CDH3: variants seen among roughly 807,000 people sequenced by gnomAD.
CDH3 encodes the protein cadherin 3.
Under a neutral mutation model 82.0 loss-of-function variants are expected in CDH3, and 54 were observed. That is an observed-to-expected ratio of 0.66 (90% confidence interval 0.53 to 0.83). CDH3 has a LOEUF of 0.83. Ranked by LOEUF, CDH3 falls within the 40% of genes least tolerant of loss-of-function variation. The pLI is 0.00. For missense variants in CDH3, 1,054 were observed against 1,084.6 expected, an observed-to-expected ratio of 0.97 and a Z score of 0.40; for synonymous variants, 446 against 437.9, an observed-to-expected ratio of 1.02 and a Z score of -0.23.
intron 2 of CDH3, 113 bp downstream of exon 2, chr16:68,645,863 C>T: frequency 2.5e-6 from 2 of 797,952 alleles, no homozygotes; most frequent in East Asian, 2.7e-5. Context: ...CACCTCAGTT[C>T]CCGGGGAGGC....
intron 10 of CDH3, 34 bp downstream of exon 10, chr16:68,684,858 A>G (rs772837577): frequency 1.5e-5 from 25 of 1,613,414 alleles, no homozygotes; most frequent in Admixed American, 1.0e-4. Flanking sequence ...AGCAGCACGT[A>G]CTGGTACAGT....
chr16:68,659,874 A>G (rs1960513586), intron 2 of CDH3, among the ~76,000 whole-genome samples: 1 of 151,282 alleles, frequency 6.6e-6, no homozygotes, highest in Admixed American at 6.6e-5. Flanking sequence ...ATTGGACTAT[A>G]TCATGCATAC....
intron 1 of CDH3, among the ~76,000 whole-genome samples, chr16:68,713,061 T>C (rs1962049954): frequency 6.6e-6 from 1 of 151,990 alleles, no homozygotes; most frequent in Non-Finnish European, 1.5e-5. Flanking sequence ...CCTCCTGTGA[T>C]CTCCCCGCCC....
At chr16:68,663,655 G>C (rs1960658377) in intron 2 of CDH3, among the ~76,000 whole-genome samples, 1 of 152,014 alleles carries the variant, frequency 6.6e-6, no homozygotes, top group Non-Finnish European at 1.5e-5. Context: ...ATGCACTAAG[G>C]TGGTGGGGGT....
intron 12 of CDH3, among the ~76,000 whole-genome samples, chr16:68,688,360 C>T (rs1195603391): frequency 5.3e-5 from 8 of 151,936 alleles, no homozygotes; most frequent in Non-Finnish European, 7.4e-5. Context: ...GAGCCTGAGG[C>T]GGGCGGGTCA....
Position 68,676,446 on chromosome 16 carries a change from T to C in CDH3, c.222T>C (p.Thr74=). 1 of 1,613,864 alleles carries C rather than the reference T, an allele frequency of 6.2e-7. No homozygotes were observed. Among genetic ancestry groups the C allele is most frequent in the Non-Finnish European group, 8.5e-7 (1 of 1,179,718 alleles). Reference sequence around the variant, plus strand: ...TTAGCACTGATAATGATGACTTCACTGTGCGGAATGGCGAGACAGTCCAGG... The same window carrying C: ...TTAGCACTGATAATGATGACTTCACCGTGCGGAATGGCGAGACAGTCCAGG... ...ALFSTDNDDF[T]VRNGETVQER... is the part of the protein sequence containing the mutation. Residue 74 remains threonine, a synonymous_variant, in exon 3 of 16, where the codon ACT becomes ACC. Transcript: ENST00000264012.
chr16:68,683,092 G>GA (rs1245486052), intron 9 of CDH3, among the ~76,000 whole-genome samples: 1 of 151,708 alleles, frequency 6.6e-6, no homozygotes, highest in Non-Finnish European at 1.5e-5. Context: ...CACTAAAAAA[G>GA]AAAAAAATGA....
chr16:68,705,114 C>G (rs1961944310), downstream of CDH3, among the ~76,000 whole-genome samples: 1 of 152,142 alleles, frequency 6.6e-6, no homozygotes. Flanking sequence ...GATCAGGAAG[C>G]AGCAGAGACA....
chr16:68,724,213 C>T (rs1204899218), intron 2 of CDH3, among the ~76,000 whole-genome samples: 1 of 152,006 alleles, frequency 6.6e-6, no homozygotes, highest in Admixed American at 6.6e-5. Context: ...CCAGCCTGGG[C>T]GACAGAGCAA....
At chr16:68,721,867 A>G (rs530479488) in intron 1 of CDH3, among the ~76,000 whole-genome samples, 1 of 152,248 alleles carries the variant, frequency 6.6e-6, no homozygotes, top group South Asian at 2.1e-4. Context: ...AGGCGGGCAG[A>G]TCACTTGACG....
chr16:68,655,672 C>T (rs1304489355), intron 2 of CDH3, among the ~76,000 whole-genome samples: 2 of 148,930 alleles, frequency 1.3e-5, no homozygotes, highest in Admixed American at 6.6e-5. Context: ...AGTGAAACCC[C>T]GTCTCTGCTA....
chr16:68,691,973 A>AGACT (rs1462203392), intron 13 of CDH3, 47 bp downstream of exon 13: 3 of 1,486,974 alleles, frequency 2.0e-6, no homozygotes, highest in African/African-American at 2.8e-5. Context: ...GGGAGTTGAA[A>AGACT]GACTGGATTC....
Position 68,645,515 on chromosome 16 carries a change from G to A in CDH3, c.45+91G>A, listed in dbSNP as rs531574990. The A allele has an allele frequency of 1.0e-5, 15 of 1,480,572 alleles. No homozygotes were observed. The African/African-American group carries it at 2.1e-4, about 21-fold the overall frequency. 91.7% of individuals were successfully genotyped at this position (1,480,572 alleles called of 1,614,324 possible). ...GGGGCAGTGGCGTCGGGGAGAGCGC[G>A]GGGCTGCGCTCCCTGGGGCCAAGGG... On this transcript the variant is annotated intron_variant, in intron 1 of 15. Transcript: ENST00000264012.
downstream of CDH3, among the ~76,000 whole-genome samples, chr16:68,702,541 A>G (rs1341172804): frequency 3.9e-5 from 6 of 152,246 alleles, no homozygotes; most frequent in East Asian, 1.2e-3. Context: ...TTTAAAAGGC[A>G]AAGTCCCAGA....
At chr16:68,695,671 A>G (rs897710976) in intron 14 of CDH3, 106 bp from the exon 15 acceptor site, 3 of 1,335,616 alleles carry the variant, frequency 2.2e-6, no homozygotes, top group South Asian at 1.2e-5. Context: ...AGACCTCCCC[A>G]TGAGCCAGAG....
Position 68,687,645 on chromosome 16 carries a change from G to C in CDH3, c.1704G>C (p.Thr568=). The C allele has an allele frequency of 6.2e-7, 1 of 1,614,034 alleles. No homozygotes were observed. Among genetic ancestry groups the C allele is most frequent in the Non-Finnish European group, 8.5e-7 (1 of 1,179,992 alleles). The change falls in exon 12 of 16, where the codon ACG becomes ACC. Residue 568 remains threonine (T), a synonymous_variant. Coordinates refer to ENST00000264012, the MANE Select transcript of CDH3 (RefSeq NM_001793.6). ...QSPVRQVLNI[T]DKDLSPHTSP... ...CTGTGCGCCAGGTGCTGAACATCAC[G>C]GACAAGGACCTGTCTCCCCACACCT...
intron 2 of CDH3, among the ~76,000 whole-genome samples, chr16:68,664,464 A>G (rs921962626): frequency 6.6e-6 from 1 of 152,168 alleles, no homozygotes; most frequent in African/African-American, 2.4e-5. Flanking sequence ...GCACTTCCAG[A>G]AGCTGACTCA....
chr16:68,687,821 T>A, intron 12 of CDH3, 85 bp downstream of exon 12: 1 of 915,364 alleles, frequency 1.1e-6, no homozygotes, highest in Non-Finnish European at 1.8e-6. Flanking sequence ...CACACGTTCC[T>A]ATCCTAGCAT....
intron 2 of CDH3, among the ~76,000 whole-genome samples, chr16:68,723,229 A>G (rs1304401014): frequency 6.6e-6 from 1 of 152,142 alleles, no homozygotes; most frequent in Non-Finnish European, 1.5e-5. Context: ...GTCCTTCTCA[A>G]GCTTCCTGGC....
Sources: allele counts gnomAD v4.1 joint callset (sites outside exome capture counted in the v4.1 genomes callset), GRCh38; gene constraint gnomAD v4.1.1; transcripts MANE v1.5; gene names NCBI Gene and HGNC (gene_info 2026-07-23, HGNC 2026-07-21).